CD99L2: variants seen among roughly 807,000 people sequenced by gnomAD.
The protein encoded by CD99L2 is CD99 antigen-like protein 2.
A neutral mutation model predicts 27.3 loss-of-function variants in CD99L2; 24 were observed. That is an observed-to-expected ratio of 0.88 (90% CI 0.64 to 1.24). The LOEUF (loss-of-function observed/expected upper bound fraction) is 1.24. Ranked by LOEUF, CD99L2 falls within the 50% of genes most tolerant of loss-of-function variation. CD99L2 has a pLI of 0.00. For synonymous variants in CD99L2, 97 were observed against 87.9 expected (o/e 1.10, Z -0.58); for missense variants, 255 against 221.6 (o/e 1.15, Z -0.96).
chrX:150,822,941 A>G (rs782379672), intron 2 of CD99L2, among the ~76,000 whole-genome samples: 9 of 112,105 alleles, frequency 8.0e-5, no homozygotes, highest in Non-Finnish European at 1.7e-4. Flanking sequence ...AGGTAATTGA[A>G]TCATGGGGGA....
Position 150,776,976 on chromosome X carries a change from A to T in CD99L2, c.535+468T>A, listed in dbSNP as rs138270116. 4.6e-3 allele frequency: 645 copies of T among 139,510 alleles called. 6 individuals carry two copies. The highest frequency in any genetic ancestry group is 0.02 in the African/African-American group (617 of 31,218). The allele number at this position is 139,510 out of a possible 1,213,427, so 11.5% of individuals were successfully genotyped here. On this transcript the variant is annotated intron_variant, in intron 8 of 10. Transcript: ENST00000370377. ...GCAGGGGTAGAGGTGGGGTGCTTCC[A>T]GGTCATAGGGAGATAAGAGAAAGAG...
At chrX:150,789,938 C>A (rs140401807) in intron 7 of CD99L2, among the ~76,000 whole-genome samples, 13 of 112,169 alleles carry the variant, frequency 1.2e-4, no homozygotes, top group Admixed American at 2.8e-4. Context: ...AGACTGGAAG[C>A]AACCAAGATG....
At chrX:150,778,917 T>C (rs1383209339) in intron 7 of CD99L2, among the ~76,000 whole-genome samples, 1 of 109,284 alleles carries the variant, frequency 9.2e-6, no homozygotes, top group Non-Finnish European at 1.9e-5. Flanking sequence ...AACAGGAAGA[T>C]GGGGGTCACT....
intron 1 of CD99L2, among the ~76,000 whole-genome samples, chrX:150,889,382 C>T (rs1407080626): frequency 8.9e-6 from 1 of 111,825 alleles, no homozygotes; most frequent in African/African-American, 3.3e-5. Context: ...CCATTCACAT[C>T]TCAGTTTTTT....
chrX:150,833,538 C>A (rs1218989600), intron 1 of CD99L2, among the ~76,000 whole-genome samples: 1 of 112,009 alleles, frequency 8.9e-6, no homozygotes, highest in Non-Finnish European at 1.9e-5. Context: ...AGGCATCACA[C>A]TTCTTGATTT....
intron 1 of CD99L2, among the ~76,000 whole-genome samples, chrX:150,831,696 T>C (rs782268692): frequency 9.0e-6 from 1 of 111,107 alleles, no homozygotes; most frequent in East Asian, 2.8e-4. Context: ...CAAACCCCCA[T>C]GATACAAGTT....
intron 9 of CD99L2, among the ~76,000 whole-genome samples, chrX:150,773,268 C>G (rs1265108132): frequency 2.7e-5 from 3 of 112,828 alleles, no homozygotes; most frequent in Non-Finnish European, 5.6e-5. Context: ...CCCAAGAACT[C>G]TCCCCATCCA....
intron 10 of CD99L2, among the ~76,000 whole-genome samples, chrX:150,769,445 C>T (rs1487629492): frequency 8.9e-6 from 1 of 112,946 alleles, no homozygotes; most frequent in Non-Finnish European, 1.9e-5. Context: ...CGTGGCAAAG[C>T]TCATGACAGT....
Position 150,836,033 on chromosome X carries a change from G to A in CD99L2, c.68-4740C>T, listed in dbSNP as rs926526643. On this transcript the variant is annotated intron_variant, in intron 1 of 10. Transcript: ENST00000370377. ...ATAACTGAAAAAGCTCTGGGGAAAA[G>A]TTTTTCACAATAGAATTTGTCCTCA... Among the ~76,000 whole-genome samples, 3 of 111,707 alleles carry A rather than the reference G, an allele frequency of 2.7e-5. No homozygotes were observed. In the Admixed American group the frequency reaches 2.8e-4, roughly 11 times the overall value.
intron 2 of CD99L2, among the ~76,000 whole-genome samples, chrX:150,830,559 G>A (rs868962039): frequency 1.9e-5 from 2 of 102,904 alleles, no homozygotes; most frequent in Non-Finnish European, 2.0e-5. Flanking sequence ...CCTGTGTCAA[G>A]AAAAAAAAAA....
intron 1 of CD99L2, among the ~76,000 whole-genome samples, chrX:150,880,085 AC>A (rs1557422450): frequency 8.9e-6 from 1 of 111,983 alleles, no homozygotes; most frequent in African/African-American, 3.2e-5. Context: ...ACATAGAGAA[AC>A]TGGAACCTTC....
chrX:150,804,871 ACTGAAG>A (rs1557420190), intron 4 of CD99L2, among the ~76,000 whole-genome samples: 1 of 111,119 alleles, frequency 9.0e-6, no homozygotes, highest in African/African-American at 3.3e-5. Flanking sequence ...GATATAAACT[ACTGAAG>A]CTGACCCAAG....
In CD99L2 at chrX:150,768,907, A is replaced by G. The variant is rs782613866; in HGVS notation, c.*127T>C. 6.6e-6 allele frequency: 7 copies of G among 1,061,687 alleles called. No homozygotes were observed. Among genetic ancestry groups the G allele is most frequent in the Admixed American group, 4.1e-5 (1 of 24,576 alleles). The allele number at this position is 1,061,687 out of a possible 1,213,427, so 87.5% of individuals were successfully genotyped here. A position where few individuals can be genotyped will look rare whatever the true frequency, so the allele number is the denominator to read the frequency against. On this transcript the variant is annotated 3_prime_UTR_variant, in exon 11 of 11. Coordinates refer to ENST00000370377, the MANE Select transcript of CD99L2 (RefSeq NM_031462.4). Reference sequence around the variant, plus strand: ...CACAAACACCCAGAGCTCATCCGGGAAACTCAGACCAACAAGGAGCCGATG... The same window carrying G: ...CACAAACACCCAGAGCTCATCCGGGGAACTCAGACCAACAAGGAGCCGATG...
chrX:150,814,172 T>C (rs2046115754), intron 4 of CD99L2, among the ~76,000 whole-genome samples: 2 of 112,084 alleles, frequency 1.8e-5, no homozygotes, highest in Non-Finnish European at 3.8e-5. Flanking sequence ...GGGTAAAAGA[T>C]CCATTGAAAG....
intron 1 of CD99L2, among the ~76,000 whole-genome samples, chrX:150,853,877 CA>C (rs2046830098): frequency 8.9e-6 from 1 of 111,796 alleles, no homozygotes; most frequent in Non-Finnish European, 1.9e-5. Flanking sequence ...CATGAAGGTC[CA>C]ATCCCAGAGA....
At chrX:150,813,634 CT>C in intron 4 of CD99L2, among the ~76,000 whole-genome samples, 1 of 111,628 alleles carries the variant, frequency 9.0e-6, no homozygotes, top group Admixed American at 9.5e-5. Flanking sequence ...AGAGCACGAC[CT>C]TTTAATATTT....
chrX:150,848,146 T>C (rs2046732561), intron 1 of CD99L2, among the ~76,000 whole-genome samples: 2 of 105,183 alleles, frequency 1.9e-5, no homozygotes, highest in South Asian at 1.0e-3. Flanking sequence ...CTCACAGTAT[T>C]ACATAAATTA....
At position 150,776,568 on chromosome X, in the gene CD99L2, C is replaced by T. The variant is rs782539583; in HGVS notation, c.536-275G>A. On this transcript the variant is annotated intron_variant, in intron 8 of 10. Coordinates refer to ENST00000370377, the MANE Select transcript of CD99L2 (RefSeq NM_031462.4). ...ATGGTGCAGAGCTCTCTGTGACTGA[C>T]GCCCTGCAGGCTTCCCACTGGGCTA... Among the ~76,000 whole-genome samples, 22 of 111,942 alleles carry T rather than the reference C, an allele frequency of 2.0e-4. No homozygotes were observed. The South Asian group carries it at 7.5e-3, about 38-fold the overall frequency.
At chrX:150,865,298 G>C (rs2047043730) in intron 1 of CD99L2, among the ~76,000 whole-genome samples, 2 of 108,486 alleles carry the variant, frequency 1.8e-5, no homozygotes, top group African/African-American at 6.7e-5. Context: ...AAGAGTTTGA[G>C]ACCGGCCTGG....
Sources: allele counts gnomAD v4.1 joint callset (sites outside exome capture counted in the v4.1 genomes callset), GRCh38; gene constraint gnomAD v4.1.1; transcripts MANE v1.5; gene names NCBI Gene and HGNC (gene_info 2026-07-23, HGNC 2026-07-21).